Variants in CXorf58 observed in about 807,000 individuals in gnomAD.
CXorf58 encodes chromosome X open reading frame 58.
CXorf58 carries 24 observed loss-of-function variants against 26.0 expected under a neutral mutation model. That is an observed-to-expected ratio of 0.92 (90% CI 0.67 to 1.30). The LOEUF (loss-of-function observed/expected upper bound fraction) is 1.30. CXorf58 is among the 50% of genes most tolerant of loss of function. The pLI, the probability that CXorf58 is intolerant of heterozygous loss-of-function variation, is 0.00. For synonymous variants in CXorf58, 87 were observed against 86.1 expected, an observed-to-expected ratio of 1.01 and a Z score of -0.06; for missense variants, 236 against 263.9, an observed-to-expected ratio of 0.89 and a Z score of 0.73.
chrX:23,910,315 T>C lies in CXorf58; in HGVS notation c.13T>C (p.Ser5Pro). Residue 5 changes from serine (S) to proline (P), a missense_variant, in exon 2 of 9, where the codon TCA becomes CCA. Physicochemically the swap from Ser to Pro is moderately conservative, Grantham distance 74. Coordinates refer to ENST00000379211, the MANE Select transcript of CXorf58 (RefSeq NM_152761.3). ...CATTGGAGGGAAAATGAATCGTTCCTCAAATGTACCACGTAAAGGTATTCT... is the reference window on the plus strand; with the variant it reads ...CATTGGAGGGAAAATGAATCGTTCCCCAAATGTACCACGTAAAGGTATTCT... MNRS[S>P]NVPRKGILKS... is the part of the protein sequence containing the mutation. 8.5e-7 allele frequency: 1 copy of C among 1,177,113 alleles called. No homozygotes were observed. The highest frequency in any genetic ancestry group is 1.2e-6 in the Non-Finnish European group (1 of 868,386).
At chrX:23,919,063 A>C (rs1401610392) in intron 5 of CXorf58, among the ~76,000 whole-genome samples, 1 of 111,529 alleles carries the variant, frequency 9.0e-6, no homozygotes. Flanking sequence ...TTTGGGTTAA[A>C]TCTGCTTGGT....
At chrX:23,929,554 A>T (rs1489599641) in intron 6 of CXorf58, among the ~76,000 whole-genome samples, 1 of 112,064 alleles carries the variant, frequency 8.9e-6, no homozygotes, top group African/African-American at 3.2e-5. Flanking sequence ...AAACTTTGGA[A>T]GCTAGCAGAG....
At chrX:23,923,897 G>A (rs1652148190) in intron 5 of CXorf58, among the ~76,000 whole-genome samples, 2 of 107,940 alleles carry the variant, frequency 1.9e-5, no homozygotes, top group South Asian at 4.0e-4. Context: ...GTGAAACCCC[G>A]TCTCTATTGA....
chrX:23,910,233 G>GTA lies in CXorf58; in HGVS notation c.-20-49_-20-48insAT, dbSNP rs1927536190. ...ATGGCACTTGAGTCTTGTCCAAACAGTGTAATAGTATAAATTATGACCTCA... is the reference window on the plus strand; with the variant it reads ...ATGGCACTTGAGTCTTGTCCAAACAGTATGTAATAGTATAAATTATGACCTCA... On this transcript the variant is annotated intron_variant, in intron 1 of 8. Coordinates refer to ENST00000379211, the MANE Select transcript of CXorf58 (RefSeq NM_152761.3). The GTA allele has an allele frequency of 6.5e-6, 4 of 614,765 alleles. No individual in the cohort carries two copies. In the African/African-American group the frequency reaches 8.8e-5, roughly 14 times the overall value. The allele number at this position is 614,765 out of a possible 1,213,427, so 50.7% of individuals were successfully genotyped here. A position where few individuals can be genotyped will look rare whatever the true frequency, so the allele number is the denominator to read the frequency against.
Position 23,917,775 on chromosome X carries a change from G to A in CXorf58, c.423+1447G>A, listed in dbSNP as rs138331447. 4.9e-3 allele frequency among the ~76,000 whole-genome samples: 548 copies of A among 112,596 alleles called. 31 individuals carry two copies. In the East Asian group the frequency reaches 0.14, roughly 29 times the overall value. On this transcript the variant is annotated intron_variant, in intron 5 of 8. Coordinates refer to ENST00000379211, the MANE Select transcript of CXorf58 (RefSeq NM_152761.3). ...CACCACAAATTGTGTCTACAGTATAGGAATCACCTGGGAATCTTGTTAAAA... is the reference window on the plus strand; with the variant it reads ...CACCACAAATTGTGTCTACAGTATAAGAATCACCTGGGAATCTTGTTAAAA...
chrX:23,930,196 CAAAAAAAAAAA>C (rs752970734), intron 6 of CXorf58, among the ~76,000 whole-genome samples: 2 of 36,778 alleles, frequency 5.4e-5, no homozygotes, highest in African/African-American at 2.6e-4. Context: ...GACTCTGTCT[CAAAAAAAAAAA>C]AAAAAAAAAA....
chrX:23,912,173 G>A (rs1207386539), intron 3 of CXorf58, among the ~76,000 whole-genome samples: 6 of 110,553 alleles, frequency 5.4e-5, no homozygotes, highest in Non-Finnish European at 3.8e-5. Context: ...GGATGATCTC[G>A]ATCTCCTGAC....
intron 3 of CXorf58, among the ~76,000 whole-genome samples, chrX:23,913,547 C>T (rs1230999056): frequency 1.8e-5 from 2 of 111,455 alleles, no homozygotes; most frequent in Non-Finnish European, 3.8e-5. Context: ...AAAGTCTGAG[C>T]AATGTATACA....
chrX:23,937,601 T>C (rs770021159), intron 7 of CXorf58, among the ~76,000 whole-genome samples: 2 of 109,502 alleles, frequency 1.8e-5, no homozygotes, highest in African/African-American at 6.6e-5. Context: ...AATTTTGTAT[T>C]TTTAATAGAG....
chrX:23,910,037 G>C (rs997970883), intron 1 of CXorf58, among the ~76,000 whole-genome samples: 1 of 111,808 alleles, frequency 8.9e-6, no homozygotes, highest in Non-Finnish European at 1.9e-5. Context: ...AGATGAATAA[G>C]AGGAGAAAAA....
rs189246159 is a variant in CXorf58 at position 23,935,523 on chromosome X, G to A, written c.785+98G>A. Reference sequence around the variant, plus strand: ...TCACTAAAGATAAGAGGATATATGGGGAAAATAGGGTTGGGGCAGATTGCT... The same window carrying A: ...TCACTAAAGATAAGAGGATATATGGAGAAAATAGGGTTGGGGCAGATTGCT... On this transcript the variant is annotated intron_variant, in intron 7 of 8. Transcript: ENST00000379211. 115 of 608,626 alleles carry A rather than the reference G, an allele frequency of 1.9e-4. No individual in the cohort carries two copies. The African/African-American group carries it at 2.4e-3, about 13-fold the overall frequency. The allele number at this position is 608,626 out of a possible 1,213,427, so 50.2% of individuals were successfully genotyped here.
At position 23,916,245 on chromosome X, in the gene CXorf58, A is replaced by G. The variant is rs764473329; in HGVS notation, c.340A>G (p.Ile114Val). The change falls in exon 5 of 9, where the codon ATC becomes GTC. Residue 114 changes from isoleucine (I) to valine (V), a missense_variant. Transcript: ENST00000379211. ...RFRGETFPPF[I>V]VFKIFLHTDG... is the part of the protein sequence containing the mutation. Reference sequence around the variant, plus strand: ...TAGAGGTGAAACGTTTCCACCTTTCATCGTGTTTAAAATTTTTCTTCATAC... The same window carrying G: ...TAGAGGTGAAACGTTTCCACCTTTCGTCGTGTTTAAAATTTTTCTTCATAC... 19 of 1,194,373 alleles carry G rather than the reference A, an allele frequency of 1.6e-5. No homozygotes were observed. The highest frequency in any genetic ancestry group is 2.0e-5 in the Non-Finnish European group (18 of 884,782).
intron 7 of CXorf58, among the ~76,000 whole-genome samples, chrX:23,936,987 G>A: frequency 8.9e-6 from 1 of 112,122 alleles, no homozygotes; most frequent in Non-Finnish European, 1.9e-5. Flanking sequence ...GAGTATCCAA[G>A]AATAAGTAAT....
chrX:23,928,178 T>A, intron 6 of CXorf58, among the ~76,000 whole-genome samples: 1 of 109,667 alleles, frequency 9.1e-6, no homozygotes, highest in Non-Finnish European at 1.9e-5. Context: ...ACCATTGAGT[T>A]ACATACTTTT....
At chrX:23,921,325 T>G (rs1292919899) in intron 5 of CXorf58, among the ~76,000 whole-genome samples, 10 of 112,180 alleles carry the variant, frequency 8.9e-5, no homozygotes, top group South Asian at 3.7e-4. Context: ...GTGCTACAAC[T>G]TTCACTCTCC....
intron 6 of CXorf58, among the ~76,000 whole-genome samples, chrX:23,929,031 A>C (rs1305480394): frequency 1.8e-5 from 2 of 111,843 alleles, no homozygotes; most frequent in Non-Finnish European, 3.8e-5. Flanking sequence ...TTTATGAAGG[A>C]AATTAAAAGT....
intron 6 of CXorf58, among the ~76,000 whole-genome samples, chrX:23,930,499 T>C (rs1361168037): frequency 9.4e-6 from 1 of 106,233 alleles, no homozygotes; most frequent in Admixed American, 1.0e-4. Flanking sequence ...TAGCCAGGTG[T>C]GATGGTATGC....
chrX:23,926,101 T>G (rs1420025660), intron 5 of CXorf58, among the ~76,000 whole-genome samples: 1 of 110,660 alleles, frequency 9.0e-6, no homozygotes, highest in Admixed American at 9.8e-5. Context: ...AATTTTCTTT[T>G]GTGCTATCCT....
In CXorf58 at chrX:23,915,754, C is replaced by A; in HGVS notation, c.271C>A (p.Leu91Ile). 8 of 1,190,625 alleles carry A rather than the reference C, an allele frequency of 6.7e-6. No homozygotes were observed. Among genetic ancestry groups the A allele is most frequent in the Non-Finnish European group, 9.1e-6 (8 of 876,997 alleles). ...GAAAGTGGCCCCCTTAGAGGCTAAG[C>A]TTATTAAGGATCCTACTATGCAGTG... ...LKKVAPLEAK[L>I]IKDPTMQCKI... is the part of the protein sequence containing the mutation. Residue 91 changes from leucine (L) to isoleucine (I), a missense_variant, in exon 4 of 9, where the codon CTT becomes ATT. Physicochemically the swap from Leu to Ile is conservative, Grantham distance 5 (BLOSUM62 2). Transcript: ENST00000379211.
Sources: gnomAD v4.1 joint callset for allele counts (sites outside exome capture counted in the v4.1 genomes callset) on GRCh38, gnomAD v4.1.1 for gene constraint, MANE v1.5 for transcripts, NCBI Gene and HGNC (gene_info 2026-07-23, HGNC 2026-07-21) for gene names.